The following OSBPL11 variants were observed in gnomAD, a reference collection of about 807,000 sequenced individuals.
OSBPL11 encodes the protein oxysterol-binding protein-related protein 11.
A neutral mutation model predicts 84.4 loss-of-function variants in OSBPL11; 33 were observed. That is an observed-to-expected ratio of 0.39 (90% CI 0.30 to 0.52). The LOEUF is 0.52. Ranked by LOEUF, OSBPL11 falls within the 20% of genes least tolerant of loss-of-function variation. The pLI, the probability that OSBPL11 is intolerant of heterozygous loss-of-function variation, is 0.72. For synonymous variants in OSBPL11, 276 were observed against 310.2 expected (o/e 0.89, Z 1.16); for missense variants, 736 against 901.1 (o/e 0.82, Z 2.35).
At chr3:125,566,333 T>G (rs766006663) in intron 6 of OSBPL11, among the ~76,000 whole-genome samples, 7 of 152,108 alleles carry the variant, frequency 4.6e-5, no homozygotes, top group Non-Finnish European at 8.8e-5. Flanking sequence ...ACTTATTATT[T>G]ACATATTTCT....
intron 1 of OSBPL11, among the ~76,000 whole-genome samples, chr3:125,587,188 T>C (rs555966884): frequency 6.6e-6 from 1 of 152,212 alleles, no homozygotes; most frequent in African/African-American, 2.4e-5. Flanking sequence ...AATGACTAGA[T>C]TTGATGACTG....
At chr3:125,541,295 A>G (rs1935725815) in intron 10 of OSBPL11, among the ~76,000 whole-genome samples, 1 of 152,238 alleles carries the variant, frequency 6.6e-6, no homozygotes, top group South Asian at 2.1e-4. Context: ...AGCACTTAGC[A>G]GAATGCCTGA....
chr3:125,574,407 C>A (rs1936288956), intron 5 of OSBPL11, among the ~76,000 whole-genome samples: 1 of 151,622 alleles, frequency 6.6e-6, no homozygotes, highest in Non-Finnish European at 1.5e-5. Context: ...TAAAGCACTT[C>A]TGTTGCATAC....
chr3:125,532,067 A>T, intron 11 of OSBPL11, 53 bp from the exon 12 acceptor site: 1 of 1,501,838 alleles, frequency 6.7e-7, no homozygotes. Context: ...GAGATAATTA[A>T]ATAGAATCAA....
rs149425587 is a variant in OSBPL11, at chr3:125,532,518, C to T, written c.2025-504G>A. Among the ~76,000 whole-genome samples, 145 of 150,384 alleles carry T rather than the reference C, an allele frequency of 9.6e-4. 4 individuals carry two copies. In the East Asian group the frequency reaches 0.017, roughly 17 times the overall value. On this transcript the variant is annotated intron_variant, in intron 11 of 12. Transcript: ENST00000296220. ...GGGGAGTCCTATGAGTGCTCTAACT[C>T]GCTGTCCAGAGTGTTTCTAGGCCAC...
chr3:125,582,873 T>C, intron 2 of OSBPL11, 37 bp downstream of exon 2: 1 of 1,444,562 alleles, frequency 6.9e-7, no homozygotes, highest in South Asian at 1.2e-5. Context: ...CCTGCTCTCT[T>C]AGGAGAGACT....
At chr3:125,585,231 T>C (rs1349180063) in intron 1 of OSBPL11, among the ~76,000 whole-genome samples, 2 of 152,268 alleles carry the variant, frequency 1.3e-5, no homozygotes, top group Admixed American at 6.5e-5. Context: ...CTGGGGCTCA[T>C]GCGATTTTTC....
At chr3:125,583,032 G>T in intron 1 of OSBPL11, 54 bp from the exon 2 acceptor site, 2 of 1,296,832 alleles carry the variant, frequency 1.5e-6, no homozygotes, top group Non-Finnish European at 2.2e-6. Flanking sequence ...AATCCCAGGA[G>T]GATAATGGTA....
intron 9 of OSBPL11, among the ~76,000 whole-genome samples, chr3:125,550,876 T>A (rs1209969168): frequency 6.6e-6 from 1 of 152,210 alleles, no homozygotes; most frequent in African/African-American, 2.4e-5. Context: ...ATAGCACCTC[T>A]GGCCTCCATC....
chr3:125,556,821 TAA>T (rs1437269349), intron 8 of OSBPL11, among the ~76,000 whole-genome samples: 1 of 152,142 alleles, frequency 6.6e-6, no homozygotes, highest in Admixed American at 6.5e-5. Context: ...ACAAGTCAAG[TAA>T]ATTGTTTTAT....
chr3:125,539,316 T>TA (rs1935689594), intron 10 of OSBPL11, among the ~76,000 whole-genome samples: 1 of 116,972 alleles, frequency 8.5e-6, no homozygotes, highest in Non-Finnish European at 1.7e-5. Context: ...TATATATATA[T>TA]ATATATATAT....
At chr3:125,588,166 G>A (rs1936543739) in intron 1 of OSBPL11, among the ~76,000 whole-genome samples, 1 of 149,414 alleles carries the variant, frequency 6.7e-6, no homozygotes, top group Non-Finnish European at 1.5e-5. Flanking sequence ...AGGTTTCACT[G>A]AGCCAAGATC....
intron 1 of OSBPL11, among the ~76,000 whole-genome samples, chr3:125,584,281 G>T (rs1203474268): frequency 6.6e-6 from 1 of 151,934 alleles, no homozygotes; most frequent in Non-Finnish European, 1.5e-5. Context: ...CAGGAGAATC[G>T]CTTGAACCCA....
chr3:125,588,515 C>T (rs986315212), intron 1 of OSBPL11, among the ~76,000 whole-genome samples: 12 of 152,260 alleles, frequency 7.9e-5, no homozygotes, highest in East Asian at 1.9e-4. Context: ...AGCCAAATAG[C>T]GATACCTTAA....
chr3:125,541,820 C>T (rs1332330833), intron 10 of OSBPL11, among the ~76,000 whole-genome samples: 2 of 152,162 alleles, frequency 1.3e-5, no homozygotes, highest in African/African-American at 2.4e-5. Context: ...TGGGTTCAAG[C>T]GATCCTCCCA....
chr3:125,579,331 C>T (rs1193994429), intron 3 of OSBPL11, among the ~76,000 whole-genome samples: 2 of 152,104 alleles, frequency 1.3e-5, no homozygotes, highest in Non-Finnish European at 2.9e-5. Context: ...AAGAAATAAC[C>T]CCTTAATTAT....
chr3:125,587,038 T>C (rs1057369512), intron 1 of OSBPL11, among the ~76,000 whole-genome samples: 5 of 152,156 alleles, frequency 3.3e-5, no homozygotes, highest in Non-Finnish European at 7.4e-5. Context: ...AAGAGAAATA[T>C]ATCTCCTTGA....
chr3:125,557,843 G>C (rs547700643), intron 8 of OSBPL11, among the ~76,000 whole-genome samples: 1 of 137,462 alleles, frequency 7.3e-6, no homozygotes, highest in East Asian at 2.1e-4. Context: ...CGTTGACCAG[G>C]CTGGCAGTGG....
chr3:125,540,431 AAT>A (rs1935713032), intron 10 of OSBPL11, among the ~76,000 whole-genome samples: 1 of 151,734 alleles, frequency 6.6e-6, no homozygotes, highest in Non-Finnish European at 1.5e-5. Context: ...TTACAGCAGG[AAT>A]AGGAATTCTG....
Sources: gnomAD v4.1 joint callset for allele counts (sites outside exome capture counted in the v4.1 genomes callset) on GRCh38, gnomAD v4.1.1 for gene constraint, MANE v1.5 for transcripts, NCBI Gene and HGNC (gene_info 2026-07-23, HGNC 2026-07-21) for gene names.